Variants in DAB1 observed in about 807,000 individuals in gnomAD.
DAB1 encodes the protein DAB adaptor protein 1, also known as disabled homolog 1.
DAB1 carries 15 observed loss-of-function variants against 64.6 expected under a neutral mutation model. The observed-to-expected ratio is 0.23, with a 90% CI of 0.16 to 0.36. The LOEUF is 0.36. DAB1 is among the 10% of genes least tolerant of loss of function. The probability of loss-of-function intolerance (pLI) is 1.00; values close to 1 mark genes in which losing one functional copy is unlikely to be tolerated. For missense variants in DAB1, 596 were observed against 706.7 expected (o/e 0.84, Z 1.78); for synonymous variants, 235 against 251.9 (o/e 0.93, Z 0.64).
chr1:57,360,822 T>G (rs1001309799), intron 1 of DAB1, among the ~76,000 whole-genome samples: 1 of 152,306 alleles, frequency 6.6e-6, no homozygotes, highest in East Asian at 1.9e-4. Context: ...CTGACTTGAC[T>G]TGTTTATGAA....
At chr1:57,984,965 G>C (rs1371407125) in intron 5 of DAB1, among the ~76,000 whole-genome samples, 1 of 151,950 alleles carries the variant, frequency 6.6e-6, no homozygotes, top group African/African-American at 2.4e-5. Context: ...CTATAGCACA[G>C]TGGCATGATC....
intron 9 of DAB1, among the ~76,000 whole-genome samples, chr1:57,026,731 C>T (rs746803185): frequency 5.3e-5 from 8 of 152,090 alleles, no homozygotes; most frequent in Non-Finnish European, 8.8e-5. Context: ...GTGTATACAC[C>T]ATTAATCACT....
chr1:57,825,920 A>T (rs1652329951), downstream of DAB1, among the ~76,000 whole-genome samples: 1 of 152,222 alleles, frequency 6.6e-6, no homozygotes, highest in Non-Finnish European at 1.5e-5. Context: ...CCGCCCTCCC[A>T]GAATAATTTT....
At chr1:57,062,311 C>G (rs750224620) in intron 9 of DAB1, among the ~76,000 whole-genome samples, 2 of 152,142 alleles carry the variant, frequency 1.3e-5, no homozygotes, top group African/African-American at 4.8e-5. Context: ...TTTGTATACC[C>G]CAAAGGCCCT....
chr1:57,236,115 C>T (rs1668068883), intron 2 of DAB1, among the ~76,000 whole-genome samples: 1 of 152,204 alleles, frequency 6.6e-6, no homozygotes, highest in African/African-American at 2.4e-5. Context: ...CAGAATTGGA[C>T]TGGGTACCCA....
intron 4 of DAB1, among the ~76,000 whole-genome samples, chr1:58,218,043 T>C (rs1658948723): frequency 6.6e-6 from 1 of 151,960 alleles, no homozygotes; most frequent in Admixed American, 6.6e-5. Context: ...TATGTATGTA[T>C]GTATTGTATA....
intron 5 of DAB1, among the ~76,000 whole-genome samples, chr1:58,028,015 TAAA>T (rs1398730612): frequency 1.3e-5 from 2 of 152,222 alleles, no homozygotes; most frequent in Non-Finnish European, 2.9e-5. Context: ...CTAATAAATT[TAAA>T]TAAGGTAGCT....
intron 3 of DAB1, among the ~76,000 whole-genome samples, chr1:58,384,810 G>A (rs1644419687): frequency 6.6e-6 from 1 of 152,226 alleles, no homozygotes; most frequent in Non-Finnish European, 1.5e-5. Context: ...GAAGCATCCA[G>A]CATGGGAGAA....
chr1:58,227,866 G>A (rs190493763), intron 4 of DAB1, among the ~76,000 whole-genome samples: 2 of 152,188 alleles, frequency 1.3e-5, no homozygotes, highest in Admixed American at 1.3e-4. Context: ...CAGTTTCTGA[G>A]ATTTATTTCT....
chr1:58,119,212 T>C (rs1557658328), intron 5 of DAB1, among the ~76,000 whole-genome samples: 1 of 122,256 alleles, frequency 8.2e-6, no homozygotes, highest in Non-Finnish European at 1.7e-5. Flanking sequence ...AAATCAAATA[T>C]TGTGTGTGTG....
At chr1:57,948,123 C>A (rs781735276) in intron 5 of DAB1, among the ~76,000 whole-genome samples, 2 of 152,146 alleles carry the variant, frequency 1.3e-5, no homozygotes, top group Non-Finnish European at 2.9e-5. Flanking sequence ...TCAGGTATAT[C>A]TCTGGAAACT....
At chr1:57,806,296 C>A (rs1651359771) in intron 6 of DAB1, among the ~76,000 whole-genome samples, 1 of 152,082 alleles carries the variant, frequency 6.6e-6, no homozygotes, top group South Asian at 2.1e-4. Context: ...AGAATGTGAT[C>A]ATATTTGGGG....
At chr1:57,004,112 C>A (rs1359520791) in intron 14 of DAB1, among the ~76,000 whole-genome samples, 1 of 152,208 alleles carries the variant, frequency 6.6e-6, no homozygotes, top group East Asian at 1.9e-4. Flanking sequence ...AAACTGAAGC[C>A]CCAGACACAA....
intron 3 of DAB1, among the ~76,000 whole-genome samples, chr1:58,346,391 T>A (rs1464355101): frequency 2.0e-5 from 3 of 152,214 alleles, no homozygotes; most frequent in African/African-American, 7.2e-5. Flanking sequence ...TATTGTGGAA[T>A]CAGAGCTGTA....
At chr1:57,948,251 A>G (rs1645213654) in intron 5 of DAB1, among the ~76,000 whole-genome samples, 1 of 152,240 alleles carries the variant, frequency 6.6e-6, no homozygotes, top group Non-Finnish European at 1.5e-5. Context: ...ACAATCACCA[A>G]TGCAATAAAA....
chr1:57,932,468 A>ATTTTTTTTT (rs61202343), intron 5 of DAB1, among the ~76,000 whole-genome samples: 1 of 143,504 alleles, frequency 7.0e-6, no homozygotes. Context: ...AGCCCAGCTA[A>ATTTTTTTTT]TTTTTTTTTT....
chr1:57,411,636 G>A (rs1220483578), intron 1 of DAB1, among the ~76,000 whole-genome samples: 4 of 152,248 alleles, frequency 2.6e-5, no homozygotes, highest in Non-Finnish European at 2.9e-5. Context: ...CAAAAACCTC[G>A]GCCTCTTGAA....
intron 6 of DAB1, among the ~76,000 whole-genome samples, chr1:57,733,948 G>C (rs1647559748): frequency 1.3e-5 from 2 of 152,056 alleles, no homozygotes; most frequent in Non-Finnish European, 1.5e-5. Flanking sequence ...CAGGAAAGGT[G>C]GGCATTTCCT....
rs1373346888 is a variant in DAB1 at position 57,278,218 on chromosome 1, A to G, written c.67+12746T>C. 2.6e-5 allele frequency among the ~76,000 whole-genome samples: 4 copies of G among 152,230 alleles called. No individual in the cohort carries two copies. The South Asian group carries it at 6.2e-4, about 24-fold the overall frequency. Reference sequence around the variant, plus strand: ...ATTTACACGATGGGTGACATTGAACATAATCTTAACTTATCTGAGTATGCT... The same window carrying G: ...ATTTACACGATGGGTGACATTGAACGTAATCTTAACTTATCTGAGTATGCT... On this transcript the variant is annotated intron_variant, in intron 2 of 14. Coordinates refer to ENST00000371236, the MANE Select transcript of DAB1 (RefSeq NM_001365792.1).
Sources: gnomAD v4.1 joint callset for allele counts (sites outside exome capture counted in the v4.1 genomes callset) on GRCh38, gnomAD v4.1.1 for gene constraint, MANE v1.5 for transcripts, NCBI Gene and HGNC (gene_info 2026-07-23, HGNC 2026-07-21) for gene names.